The following DOP1B variants were observed in gnomAD, a reference collection of about 807,000 sequenced individuals.
DOP1B encodes DOP1 leucine zipper like protein B, also known as protein DOP1B.
Under a neutral mutation model 233.5 loss-of-function variants are expected in DOP1B, and 174 were observed. That is an observed-to-expected ratio of 0.75 (90% confidence interval 0.66 to 0.85). DOP1B has a LOEUF of 0.85. Among genes scored for constraint, DOP1B ranks in the 40% least tolerant of loss-of-function variants. The pLI, the probability that DOP1B is intolerant of heterozygous loss-of-function variation, is 0.00. For synonymous variants in DOP1B, 1,190 were observed against 1,185.6 expected, an observed-to-expected ratio of 1.00 and a Z score of -0.08; for missense variants, 2,652 against 2,846.6, an observed-to-expected ratio of 0.93 and a Z score of 1.56.
At chr21:36,268,483 T>G (rs769345244) in intron 26 of DOP1B, among the ~76,000 whole-genome samples, 2 of 152,210 alleles carry the variant, frequency 1.3e-5, no homozygotes, top group Non-Finnish European at 2.9e-5. Flanking sequence ...ACAATCAATT[T>G]GTACAGTTAA....
chr21:36,217,074 CAAAAA>C (rs11353414), intron 9 of DOP1B, among the ~76,000 whole-genome samples: 2 of 100,008 alleles, frequency 2.0e-5, no homozygotes, highest in African/African-American at 7.2e-5. Context: ...GACTCCATCT[CAAAAA>C]AAAAAAAAAA....
At chr21:36,235,661 G>A (rs1175332043) in intron 15 of DOP1B, among the ~76,000 whole-genome samples, 1 of 152,152 alleles carries the variant, frequency 6.6e-6, no homozygotes. Context: ...CAAGGAGGCA[G>A]AGGTTGCAGT....
At chr21:36,242,184 T>TATTATTATTATC (rs1286940543) in intron 18 of DOP1B, among the ~76,000 whole-genome samples, 1 of 150,094 alleles carries the variant, frequency 6.7e-6, no homozygotes, top group African/African-American at 2.4e-5. Context: ...TTATTATTAT[T>TATTATTATTATC]ATTATTGAAG....
chr21:36,176,559 G>A lies in DOP1B; in HGVS notation c.138+11688G>A, dbSNP rs747328643. 5.3e-5 allele frequency among the ~76,000 whole-genome samples: 8 copies of A among 152,150 alleles called. No homozygotes were observed. In the South Asian group the frequency reaches 6.2e-4, roughly 12 times the overall value. ...TCTGATGACCTCTGTGGCTATGACC[G>A]TGAGGGTGGAGGTGGCCAGGTAAGT... On this transcript the variant is annotated intron_variant, in intron 2 of 36. Coordinates refer to ENST00000691173, the MANE Select transcript of DOP1B (RefSeq NM_001320714.2).
rs114405554 is a variant in DOP1B, at chr21:36,252,968, C to T, written c.5122-804C>T. ...CTGCTGCTGCACCTCCTTGACACTC[C>T]CCCAGTGCTCAGCCTTTGTGGCAGA... On this transcript the variant is annotated intron_variant, in intron 22 of 36. Coordinates refer to ENST00000691173, the MANE Select transcript of DOP1B (RefSeq NM_001320714.2). 8.2e-3 allele frequency among the ~76,000 whole-genome samples: 1,251 copies of T among 152,306 alleles called. 12 individuals are homozygous for T. Among genetic ancestry groups the T allele is most frequent in the African/African-American group, 0.029 (1,185 of 41,560 alleles).
chr21:36,290,798 A>C (rs1601488298), intron 35 of DOP1B, among the ~76,000 whole-genome samples: 2 of 46,468 alleles, frequency 4.3e-5, no homozygotes, highest in South Asian at 1.1e-3. Context: ...ACTCCATCTC[A>C]AAAAAAAAAA....
At chr21:36,185,030 T>G (rs938073144) in intron 2 of DOP1B, among the ~76,000 whole-genome samples, 1 of 152,224 alleles carries the variant, frequency 6.6e-6, no homozygotes, top group African/African-American at 2.4e-5. Flanking sequence ...GTAGTAAGAC[T>G]GTGTCCCGAA....
intron 13 of DOP1B, among the ~76,000 whole-genome samples, chr21:36,230,078 C>T (rs1000254592): frequency 3.3e-5 from 5 of 152,144 alleles, no homozygotes; most frequent in South Asian, 2.1e-4. Flanking sequence ...GCAGGTGATC[C>T]GCCCGCCTCA....
intron 9 of DOP1B, among the ~76,000 whole-genome samples, chr21:36,216,491 A>G (rs1191202586): frequency 6.6e-6 from 1 of 151,700 alleles, no homozygotes; most frequent in Non-Finnish European, 1.5e-5. Context: ...CACACCTATA[A>G]TCGCAGCTAC....
Position 36,164,748 on chromosome 21 carries a change from G to A in DOP1B, c.15G>A (p.Glu5=). 6.2e-7 allele frequency: 1 copy of A among 1,601,544 alleles called. No homozygotes were observed. ...GAGAATGTAAGATGGATCCAGAAGA[G>A]CAGGAGCTCTTAAATGATTACAGAT... is the stretch of plus-strand genomic sequence containing the variant. MDPE[E]QELLNDYRYR... is the part of the protein sequence containing the mutation. The change falls in exon 2 of 37, where the codon GAG becomes GAA. Residue 5 remains glutamate (E), a synonymous_variant. Transcript: ENST00000691173.
chr21:36,192,219 C>T (rs1044314094), intron 2 of DOP1B, among the ~76,000 whole-genome samples: 11 of 151,902 alleles, frequency 7.2e-5, no homozygotes, highest in East Asian at 1.9e-4. Context: ...ATCAGCCAGG[C>T]GTGGTGGTAT....
At chr21:36,164,664 C>A (rs997218467) in intron 1 of DOP1B, 44 bp from the exon 2 acceptor site, 2 of 1,444,342 alleles carry the variant, frequency 1.4e-6, no homozygotes, top group Non-Finnish European at 9.2e-7. Context: ...GATTTGTATC[C>A]CCAAATGGCT....
At chr21:36,220,354 G>A (rs571173829) in intron 10 of DOP1B, among the ~76,000 whole-genome samples, 2 of 152,256 alleles carry the variant, frequency 1.3e-5, no homozygotes, top group South Asian at 2.1e-4. Flanking sequence ...GGTGTCACAC[G>A]TAATCCTAGC....
chr21:36,163,414 C>T (rs1379185199), intron 1 of DOP1B, among the ~76,000 whole-genome samples: 8 of 150,488 alleles, frequency 5.3e-5, no homozygotes, highest in Admixed American at 3.3e-4. Flanking sequence ...CTGGAGTGAT[C>T]GGAAATTGAA....
chr21:36,230,757 A>T lies in DOP1B; in HGVS notation c.1973A>T (p.Glu658Val). 6.2e-7 allele frequency: 1 copy of T among 1,614,202 alleles called. No individual in the cohort carries two copies. The highest frequency in any genetic ancestry group is 1.1e-5 in the South Asian group (1 of 91,078). The change falls in exon 14 of 37, where the codon GAG becomes GTG. Residue 658 changes from glutamate to valine, a missense_variant. Glu to Val is a moderately radical substitution (Grantham distance 121). Around this residue, in one of 3 missense-constraint regions of DOP1B, gnomAD observed 2,617 missense variants for 2,794.3 expected, o/e 0.94. Transcript: ENST00000691173. ...TCAGGAGAAGAAAGCAAGTCCGAGG[A>T]GCCTGCAGGGAAGAGGGACAGGGAT... The part of the protein sequence containing the change: ...TASGEESKSE[E>V]PAGKRDRDGT...
rs372642253 is a variant in DOP1B, at chr21:36,288,006, T to A, written c.6161-8T>A. On this transcript the variant is annotated splice_region_variant and splice_polypyrimidine_tract_variant and intron_variant, in intron 32 of 36. Coordinates refer to ENST00000691173, the MANE Select transcript of DOP1B (RefSeq NM_001320714.2). ...TTGTGTAACATCTTTACAATCTTCT[T>A]TCCTTAGAACGCCTGACAGACAATC... is the stretch of plus-strand genomic sequence containing the variant. 1.2e-4 allele frequency: 193 copies of A among 1,609,770 alleles called. No individual in the cohort carries two copies. The highest frequency in any genetic ancestry group is 1.6e-4 in the Non-Finnish European group (186 of 1,179,088).
intron 2 of DOP1B, among the ~76,000 whole-genome samples, chr21:36,192,091 G>C (rs1305570604): frequency 6.6e-6 from 1 of 152,070 alleles, no homozygotes; most frequent in African/African-American, 2.4e-5. Context: ...GGGCATGGTG[G>C]CTCATGCCTA....
At chr21:36,190,009 CAA>C (rs541833307) in intron 2 of DOP1B, among the ~76,000 whole-genome samples, 2,684 of 105,792 alleles carry the variant, frequency 0.025, 55 homozygotes, top group African/African-American at 0.074. Context: ...TACTCCGTCT[CAA>C]AAAAAAAAAA....
rs771927238 is a variant in DOP1B, at chr21:36,270,101, T to G, written c.5576T>G (p.Val1859Gly). The G allele has an allele frequency of 6.2e-7, 1 of 1,613,898 alleles. No individual in the cohort carries two copies. Among genetic ancestry groups the G allele is most frequent in the African/African-American group, 1.3e-5 (1 of 74,872 alleles). The change falls in exon 27 of 37, where the codon GTG becomes GGG. Residue 1859 changes from valine to glycine, a missense_variant. By Grantham distance (109) the Val-to-Gly change is moderately radical. Coordinates refer to ENST00000691173, the MANE Select transcript of DOP1B (RefSeq NM_001320714.2). ...QTSWLSRNLE[V>G]KAQPQASLEE... ...AGCTGGCTAAGCAGAAACCTGGAAG[T>G]GAAGGCCCAACCTCAGGCCTCTCTA...
Sources: allele counts gnomAD v4.1 joint callset (sites outside exome capture counted in the v4.1 genomes callset), GRCh38; gene constraint gnomAD v4.1.1; regional missense constraint gnomAD v4.1.1; transcripts MANE v1.5; gene names NCBI Gene and HGNC (gene_info 2026-07-23, HGNC 2026-07-21).